The following FAR2 variants were observed in gnomAD, a reference collection of about 807,000 sequenced individuals.
The protein encoded by FAR2 is epididymis secretory protein Li 81.
Under a neutral mutation model 56.0 loss-of-function variants are expected in FAR2, and 19 were observed. That is an observed-to-expected ratio of 0.34 (90% confidence interval 0.24 to 0.50). FAR2 has a LOEUF of 0.50. Among genes scored for constraint, FAR2 ranks in the 20% least tolerant of loss-of-function variants. FAR2 has a pLI of 0.98. For missense variants in FAR2, 508 were observed against 642.2 expected, an observed-to-expected ratio of 0.79 and a Z score of 2.26; for synonymous variants, 219 against 218.8, an observed-to-expected ratio of 1.00 and a Z score of -0.01.
chr12:29,231,251 G>GACCA, intron 1 of FAR2, among the ~76,000 whole-genome samples: 1 of 152,168 alleles, frequency 6.6e-6, no homozygotes, highest in Non-Finnish European at 1.5e-5. Context: ...ATGTGGTGGT[G>GACCA]GTAGACGTGA....
rs139938133 is a variant in FAR2, at chr12:29,156,164, C to T, written c.-39+6757C>T. On this transcript the variant is annotated intron_variant, in intron 1 of 11. Transcript: ENST00000536681. ...AATTTTCAGTTAGGCAGGAGGCATT[C>T]GTTTTGAGATCTACTGCACAGCGGA... 1.3e-4 allele frequency among the ~76,000 whole-genome samples: 20 copies of T among 152,072 alleles called. No individual in the cohort carries two copies. In the East Asian group the frequency reaches 3.9e-3, roughly 29 times the overall value.
intron 1 of FAR2, among the ~76,000 whole-genome samples, chr12:29,227,824 A>G (rs1433354365): frequency 6.6e-6 from 1 of 152,110 alleles, no homozygotes; most frequent in Non-Finnish European, 1.5e-5. Context: ...ACTTAACACT[A>G]GAACCAAAAT....
At chr12:29,329,292 T>G (rs143863829) in intron 10 of FAR2, among the ~76,000 whole-genome samples, 50 of 152,328 alleles carry the variant, frequency 3.3e-4, no homozygotes, top group African/African-American at 1.1e-3. Flanking sequence ...AGGCTTATCC[T>G]TATGTATTTT....
At chr12:29,280,005 A>G (rs1948762314) in intron 2 of FAR2, among the ~76,000 whole-genome samples, 2 of 151,546 alleles carry the variant, frequency 1.3e-5, no homozygotes, top group African/African-American at 2.4e-5. Flanking sequence ...GCTCACTGCA[A>G]CCTCCACCAC....
chr12:29,264,628 T>G (rs1260049777), intron 1 of FAR2, among the ~76,000 whole-genome samples: 3 of 112,348 alleles, frequency 2.7e-5, no homozygotes, highest in Non-Finnish European at 5.4e-5. Context: ...AATAAATAAA[T>G]AAATAAATAA....
intron 10 of FAR2, among the ~76,000 whole-genome samples, chr12:29,327,140 A>G (rs1949662666): frequency 6.6e-6 from 1 of 152,226 alleles, no homozygotes; most frequent in Admixed American, 6.5e-5. Flanking sequence ...TCATGAGTAA[A>G]CACCCATTCA....
At chr12:29,278,385 G>A (rs1283298402) in intron 2 of FAR2, among the ~76,000 whole-genome samples, 5 of 151,984 alleles carry the variant, frequency 3.3e-5, no homozygotes, top group African/African-American at 7.2e-5. Context: ...TTATCACTAA[G>A]GCTGGAGGGC....
intron 1 of FAR2, among the ~76,000 whole-genome samples, chr12:29,203,660 G>A (rs2136619449): frequency 6.6e-6 from 1 of 152,272 alleles, no homozygotes; most frequent in South Asian, 2.1e-4. Context: ...CATGGTGTGT[G>A]AGAACCACCA....
intron 1 of FAR2, among the ~76,000 whole-genome samples, chr12:29,157,144 A>ATATATG (rs1491006046): frequency 5.9e-5 from 8 of 134,798 alleles, no homozygotes; most frequent in Non-Finnish European, 1.1e-4. Context: ...ATATATATAT[A>ATATATG]TGTATCAATG....
At chr12:29,193,004 T>G (rs1565687686) in intron 1 of FAR2, among the ~76,000 whole-genome samples, 1 of 152,230 alleles carries the variant, frequency 6.6e-6, no homozygotes. Flanking sequence ...GATTCTTAAA[T>G]TTTTAGCTAG....
At chr12:29,233,773 C>A (rs1418350831) in intron 1 of FAR2, among the ~76,000 whole-genome samples, 1 of 152,144 alleles carries the variant, frequency 6.6e-6, no homozygotes, top group Non-Finnish European at 1.5e-5. Context: ...ATAAACAAAC[C>A]TCCTCTGGCC....
intron 1 of FAR2, among the ~76,000 whole-genome samples, chr12:29,187,043 C>A (rs1425149891): frequency 6.6e-6 from 1 of 152,120 alleles, no homozygotes; most frequent in Admixed American, 6.5e-5. Context: ...CCACCTCGGC[C>A]TCCCAAAGTG....
intron 10 of FAR2, among the ~76,000 whole-genome samples, chr12:29,323,407 T>C (rs1949585719): frequency 6.6e-6 from 1 of 152,168 alleles, no homozygotes; most frequent in Non-Finnish European, 1.5e-5. Flanking sequence ...TAGTGGTTCC[T>C]CCAGCACGCA....
intron 4 of FAR2, among the ~76,000 whole-genome samples, chr12:29,298,605 A>C (rs192789638): frequency 2.1e-4 from 32 of 152,296 alleles, no homozygotes; most frequent in Admixed American, 1.1e-3. Context: ...GTACAGAGAA[A>C]AATTTTAGAG....
At chr12:29,277,762 G>C (rs1948723404) in intron 2 of FAR2, 1 of 152,074 alleles carries the variant, frequency 6.6e-6, no homozygotes, top group Non-Finnish European at 1.5e-5. Flanking sequence ...TGCCTACTTT[G>C]CATGCTTCTA....
intron 1 of FAR2, among the ~76,000 whole-genome samples, chr12:29,208,023 G>GAGATCCCC (rs1377037395): frequency 3.9e-5 from 6 of 152,192 alleles, no homozygotes; most frequent in Non-Finnish European, 8.8e-5. Context: ...TCAACAGACC[G>GAGATCCCC]AGATCCCCAT....
In FAR2 at chr12:29,292,568, T is replaced by C. The variant is rs1411127950; in HGVS notation, c.190-732T>C. 2.0e-5 allele frequency among the ~76,000 whole-genome samples: 3 copies of C among 152,336 alleles called. No individual in the cohort carries two copies. The East Asian group carries it at 5.8e-4, about 29-fold the overall frequency. On this transcript the variant is annotated intron_variant, in intron 2 of 11. Coordinates refer to ENST00000536681, the MANE Select transcript of FAR2 (RefSeq NM_001271783.2). ...TTAGAAAAACTGTTAAAGATCTTTC[T>C]GGAAGAGATGTACCCCAGGGTGTTT...
chr12:29,210,956 A>T (rs1411443767), intron 1 of FAR2, among the ~76,000 whole-genome samples: 2 of 148,626 alleles, frequency 1.3e-5, no homozygotes. Context: ...CAAAAAAAAA[A>T]CTATATCATT....
intron 1 of FAR2, among the ~76,000 whole-genome samples, chr12:29,188,024 T>C (rs1419278773): frequency 6.6e-6 from 1 of 152,204 alleles, no homozygotes; most frequent in Non-Finnish European, 1.5e-5. Context: ...ACCTTCACTA[T>C]GACTGTATAG....
Sources: gnomAD v4.1 joint callset for allele counts (sites outside exome capture counted in the v4.1 genomes callset) on GRCh38, gnomAD v4.1.1 for gene constraint, MANE v1.5 for transcripts, NCBI Gene and HGNC (gene_info 2026-07-23, HGNC 2026-07-21) for gene names.